LIN54: variants seen among roughly 807,000 people sequenced by gnomAD.
LIN54 encodes lin-54 DREAM MuvB core complex component, also known as protein lin-54 homolog.
LIN54 carries 9 observed loss-of-function variants against 78.7 expected under a neutral mutation model. The ratio of observed to expected loss-of-function variants is 0.11; its 90% CI spans 0.07 to 0.20. LIN54 has a LOEUF of 0.20. Ranked by LOEUF, LIN54 falls within the 10% of genes least tolerant of loss-of-function variation. The pLI is 1.00. For missense variants in LIN54, 573 were observed against 889.9 expected (o/e 0.64, Z 4.53); for synonymous variants, 269 against 318.4 (o/e 0.84, Z 1.65).
chr4:82,963,067 G>T (rs868648975), intron 4 of LIN54, among the ~76,000 whole-genome samples: 1 of 151,534 alleles, frequency 6.6e-6, no homozygotes, highest in Non-Finnish European at 1.5e-5. Flanking sequence ...TAGTCCAAAC[G>T]CAGAAATCCA....
chr4:82,957,948 T>A (rs1283381545), intron 4 of LIN54, among the ~76,000 whole-genome samples: 2 of 152,198 alleles, frequency 1.3e-5, no homozygotes, highest in African/African-American at 4.8e-5. Flanking sequence ...TACCAGGACT[T>A]CTTTCTTCCT....
At chr4:83,012,514 T>C (rs1729914561), upstream of LIN54, among the ~76,000 whole-genome samples, 1 of 151,898 alleles carries the variant, frequency 6.6e-6, no homozygotes, top group Non-Finnish European at 1.5e-5. Context: ...GGCAGGCGGC[T>C]GGCCGAGCGC....
intron 4 of LIN54, among the ~76,000 whole-genome samples, chr4:82,962,588 G>A (rs1317974601): frequency 5.3e-5 from 8 of 151,854 alleles, no homozygotes; most frequent in African/African-American, 1.7e-4. Flanking sequence ...TTTCAGCAGA[G>A]AGATGGGAAC....
At chr4:82,959,578 AACAAT>A (rs1221209165) in intron 4 of LIN54, among the ~76,000 whole-genome samples, 7 of 152,198 alleles carry the variant, frequency 4.6e-5, no homozygotes, top group Non-Finnish European at 4.4e-5. Context: ...TGATGGAGTT[AACAAT>A]ACAATTACTG....
intron 4 of LIN54, 91 bp from the exon 5 acceptor site, chr4:82,946,565 T>A: frequency 1.0e-6 from 1 of 966,002 alleles, no homozygotes; most frequent in Non-Finnish European, 1.6e-6. Flanking sequence ...TTGTAAAGTA[T>A]GCTCCTGTAT....
chr4:82,984,839 C>G lies in LIN54; in HGVS notation c.6G>C (p.Glu2Asp). The change falls in exon 2 of 13, where the codon GAG becomes GAC. Residue 2 changes from glutamate (E) to aspartate (D), a missense_variant. Physicochemically the swap from Glu to Asp is conservative, Grantham distance 45 (BLOSUM62 2). Coordinates refer to ENST00000340417, the MANE Select transcript of LIN54 (RefSeq NM_194282.4). MEVVPAEVNSLL... is the reference protein window; with the variant it reads MDVVPAEVNSLL... ...AACTATTCACCTCAGCTGGCACCAC[C>G]TCCATGATCGTTCTCCCGCTAGAAA... 6.2e-7 allele frequency: 1 copy of G among 1,605,392 alleles called. No individual in the cohort carries two copies. Among genetic ancestry groups the G allele is most frequent in the South Asian group, 1.1e-5 (1 of 90,490 alleles).
intron 3 of LIN54, among the ~76,000 whole-genome samples, chr4:82,973,864 C>T (rs896313988): frequency 2.0e-5 from 3 of 152,176 alleles, no homozygotes; most frequent in African/African-American, 7.2e-5. Flanking sequence ...TATAGTGCCT[C>T]CATGATATAC....
intron 1 of LIN54, among the ~76,000 whole-genome samples, chr4:83,004,398 C>CAAAAAAAAA (rs34722830): frequency 9.9e-6 from 1 of 100,912 alleles, no homozygotes; most frequent in Admixed American, 1.2e-4. Flanking sequence ...GACTCCGTTG[C>CAAAAAAAAA]AAAAAAAAAA....
intron 1 of LIN54, among the ~76,000 whole-genome samples, chr4:82,994,554 C>T (rs897568384): frequency 5.3e-5 from 8 of 151,986 alleles, no homozygotes; most frequent in Non-Finnish European, 7.4e-5. Flanking sequence ...CATGGCACCA[C>T]GCCCAGTTAA....
At position 82,985,792 on chromosome 4, in the gene LIN54, C is replaced by T. The variant is rs1354404710; in HGVS notation, c.-32-916G>A. On this transcript the variant is annotated intron_variant, in intron 1 of 12. Transcript: ENST00000340417. ...CTAACCTCGGGTGATCCACCTGCCTCGGCCTCCCAAAGTACTGGGATTACA... is the reference window on the plus strand; with the variant it reads ...CTAACCTCGGGTGATCCACCTGCCTTGGCCTCCCAAAGTACTGGGATTACA... 2.6e-5 allele frequency among the ~76,000 whole-genome samples: 4 copies of T among 152,290 alleles called. No homozygotes were observed. The East Asian group carries it at 7.7e-4, about 29-fold the overall frequency.
intron 3 of LIN54, 86 bp downstream of exon 3, chr4:82,978,797 T>G: frequency 3.6e-6 from 3 of 831,420 alleles, no homozygotes; most frequent in Non-Finnish European, 5.5e-6. Context: ...TTTGTTACAC[T>G]AAAACATTTT....
At chr4:82,969,731 C>T (rs924922227) in intron 4 of LIN54, among the ~76,000 whole-genome samples, 2 of 152,106 alleles carry the variant, frequency 1.3e-5, no homozygotes, top group African/African-American at 4.8e-5. Flanking sequence ...TCCTTTAAAA[C>T]ATATCTTTTT....
At chr4:82,987,784 T>C (rs1355803614) in intron 1 of LIN54, among the ~76,000 whole-genome samples, 3 of 152,246 alleles carry the variant, frequency 2.0e-5, no homozygotes, top group African/African-American at 7.2e-5. Flanking sequence ...CTATCACTGA[T>C]GGGCATTTGG....
At chr4:82,958,341 C>A (rs1019722301) in intron 4 of LIN54, among the ~76,000 whole-genome samples, 2 of 152,098 alleles carry the variant, frequency 1.3e-5, no homozygotes, top group Non-Finnish European at 2.9e-5. Context: ...TCTTAGTCTC[C>A]CTTACAGTAA....
intron 4 of LIN54, among the ~76,000 whole-genome samples, chr4:82,954,518 G>A (rs1003961654): frequency 3.3e-5 from 5 of 151,944 alleles, no homozygotes; most frequent in Admixed American, 3.3e-4. Flanking sequence ...CCCCAGTTCA[G>A]GTGACTCTCC....
intron 5 of LIN54, among the ~76,000 whole-genome samples, chr4:82,940,493 A>T (rs1722761857): frequency 6.6e-6 from 1 of 152,156 alleles, no homozygotes; most frequent in Non-Finnish European, 1.5e-5. Context: ...CCCAGGTTCA[A>T]GCGATTCTTG....
chr4:82,940,973 C>T (rs746830921), intron 5 of LIN54, among the ~76,000 whole-genome samples: 90 of 152,024 alleles, frequency 5.9e-4, no homozygotes, highest in Non-Finnish European at 6.9e-4. Flanking sequence ...CTGCCATCAT[C>T]GTTGTTACAA....
At chr4:82,944,478 A>G (rs752801216) in intron 5 of LIN54, among the ~76,000 whole-genome samples, 1 of 152,150 alleles carries the variant, frequency 6.6e-6, no homozygotes, top group Non-Finnish European at 1.5e-5. Context: ...TTAGTCAACA[A>G]TATGGTTTTT....
chr4:82,955,372 AACAT>A (rs1724209819), intron 4 of LIN54, among the ~76,000 whole-genome samples: 1 of 138,582 alleles, frequency 7.2e-6, no homozygotes, highest in African/African-American at 3.1e-5. Context: ...TCAAAAAAAT[AACAT>A]AACATAACAT....
Sources: allele counts gnomAD v4.1 joint callset (sites outside exome capture counted in the v4.1 genomes callset), GRCh38; gene constraint gnomAD v4.1.1; transcripts MANE v1.5; gene names NCBI Gene and HGNC (gene_info 2026-07-23, HGNC 2026-07-21).